Variants in TMEM209 observed in about 807,000 individuals in gnomAD.
The protein encoded by TMEM209 is testicular tissue protein Li 202.
TMEM209 carries 65 observed loss-of-function variants against 76.2 expected under a neutral mutation model. That is an observed-to-expected ratio of 0.85 (90% CI 0.70 to 1.05). The LOEUF is 1.05. TMEM209 is among the 50% of genes least tolerant of loss of function. TMEM209 has a pLI of 0.00. For synonymous variants in TMEM209, 239 were observed against 237.6 expected, an observed-to-expected ratio of 1.01 and a Z score of -0.06; for missense variants, 623 against 685.5, an observed-to-expected ratio of 0.91 and a Z score of 1.02.
intron 13 of TMEM209, 77 bp downstream of exon 13, chr7:130,173,555 G>A: frequency 1.8e-6 from 2 of 1,105,104 alleles, no homozygotes; most frequent in Non-Finnish European, 2.6e-6. Flanking sequence ...ATTAACATGA[G>A]ATTATAATTT....
chr7:130,194,248 G>C (rs1797896542), intron 5 of TMEM209, among the ~76,000 whole-genome samples: 2 of 151,070 alleles, frequency 1.3e-5, no homozygotes, highest in African/African-American at 4.9e-5. Flanking sequence ...ACTGATCATG[G>C]GGGAGGCTAT....
At position 130,203,963 on chromosome 7, in the gene TMEM209, G is replaced by A; in HGVS notation, c.140+11C>T. 2 of 1,609,940 alleles carry A rather than the reference G, an allele frequency of 1.2e-6. No homozygotes were observed. The highest frequency in any genetic ancestry group is 1.7e-6 in the Non-Finnish European group (2 of 1,178,860). On this transcript the variant is annotated intron_variant, in intron 2 of 14. Transcript: ENST00000397622. Reference sequence around the variant, plus strand: ...CTTAAAGTTTCACTTTTTTTGGACTGATTCACTTACATTTCAGTATATATC... The same window carrying A: ...CTTAAAGTTTCACTTTTTTTGGACTAATTCACTTACATTTCAGTATATATC...
In TMEM209 at chr7:130,202,462, G is replaced by T. The variant is rs1220723087; in HGVS notation, c.331+70C>A. 4 of 1,536,724 alleles carry T rather than the reference G, an allele frequency of 2.6e-6. No homozygotes were observed. The East Asian group carries it at 6.8e-5, about 26-fold the overall frequency. Reference sequence around the variant, plus strand: ...CTTCCAGCTTTGAGTCTACGAAATGGGAAAATTAAACTGAGAAAGATTTAT... The same window carrying T: ...CTTCCAGCTTTGAGTCTACGAAATGTGAAAATTAAACTGAGAAAGATTTAT... On this transcript the variant is annotated intron_variant, in intron 4 of 14. Transcript: ENST00000397622.
Position 130,172,052 on chromosome 7 carries a change from T to C in TMEM209, c.1558-1579A>G, listed in dbSNP as rs2116973045. On this transcript the variant is annotated intron_variant, in intron 13 of 14. Coordinates refer to ENST00000397622, the MANE Select transcript of TMEM209 (RefSeq NM_032842.4). ...TGTCTCAAAAAAAGAGTAAAAAATCTGTATGTGCTTGTAATCTTAGCTACT... is the reference window on the plus strand; with the variant it reads ...TGTCTCAAAAAAAGAGTAAAAAATCCGTATGTGCTTGTAATCTTAGCTACT... 2.0e-5 allele frequency among the ~76,000 whole-genome samples: 3 copies of C among 151,714 alleles called. No homozygotes were observed. In the South Asian group the frequency reaches 6.3e-4, roughly 32 times the overall value.
chr7:130,176,499 C>A (rs1201806182), intron 10 of TMEM209, among the ~76,000 whole-genome samples: 1 of 152,140 alleles, frequency 6.6e-6, no homozygotes, highest in Non-Finnish European at 1.5e-5. Flanking sequence ...CATACACAGA[C>A]ACTTTCTCTT....
Position 130,166,047 on chromosome 7 carries a change from C to G in TMEM209, c.*404G>C, listed in dbSNP as rs965022365. On this transcript the variant is annotated 3_prime_UTR_variant, in exon 15 of 15. Coordinates refer to ENST00000397622, the MANE Select transcript of TMEM209 (RefSeq NM_032842.4). The stretch of plus-strand genomic sequence containing the variant: ...CACTCCAGTCTGCGTTGACAGAGAC[C>G]CTCTCTAAAAAAAAAAAAGACTGAA... 6.5e-6 allele frequency: 1 copy of G among 153,874 alleles called. No homozygotes were observed. The highest frequency in any genetic ancestry group is 2.4e-5 in the African/African-American group (1 of 41,040). 9.5% of individuals were successfully genotyped at this position (153,874 alleles called of 1,614,324 possible). A position where few individuals can be genotyped will look rare whatever the true frequency, so the allele number is the denominator to read the frequency against.
chr7:130,185,567 A>G (rs1192463127), intron 6 of TMEM209, among the ~76,000 whole-genome samples, 200 bp from the exon 7 acceptor site: 2 of 152,222 alleles, frequency 1.3e-5, no homozygotes, highest in African/African-American at 4.8e-5. Context: ...TCTGAGCCAT[A>G]TCAATTTAAC....
At chr7:130,182,714 TTTTG>T (rs1797464403) in intron 8 of TMEM209, among the ~76,000 whole-genome samples, 1 of 152,252 alleles carries the variant, frequency 6.6e-6, no homozygotes, top group Non-Finnish European at 1.5e-5. Context: ...GTTTCCATGC[TTTTG>T]TTTATCCATA....
intron 10 of TMEM209, among the ~76,000 whole-genome samples, chr7:130,177,647 G>T (rs770277740): frequency 6.6e-6 from 1 of 152,160 alleles, no homozygotes; most frequent in Non-Finnish European, 1.5e-5. Flanking sequence ...GAAAGTGGAC[G>T]GGGTATGGAT....
chr7:130,169,276 G>C (rs983401520), intron 14 of TMEM209, among the ~76,000 whole-genome samples: 1 of 150,868 alleles, frequency 6.6e-6, no homozygotes, highest in Non-Finnish European at 1.5e-5. Flanking sequence ...CTTTACATCC[G>C]ATATATTTAA....
At chr7:130,204,576 G>T (rs1798360105) in intron 1 of TMEM209, among the ~76,000 whole-genome samples, 1 of 152,206 alleles carries the variant, frequency 6.6e-6, no homozygotes, top group South Asian at 2.1e-4. Flanking sequence ...TCCTGACCTT[G>T]TGATCCACCC....
chr7:130,204,885 G>T (rs1798379858), intron 1 of TMEM209: 3 of 997,300 alleles, frequency 3.0e-6, no homozygotes, highest in African/African-American at 1.7e-5. Flanking sequence ...CAACAACTCT[G>T]CACTTGGACA....
At chr7:130,189,755 A>T (rs1029108207) in intron 6 of TMEM209, among the ~76,000 whole-genome samples, 4 of 152,228 alleles carry the variant, frequency 2.6e-5, no homozygotes, top group Admixed American at 6.5e-5. Context: ...AAAAACATAG[A>T]ATAACACATA....
At chr7:130,189,577 G>A (rs1042511782) in intron 6 of TMEM209, among the ~76,000 whole-genome samples, 2 of 152,250 alleles carry the variant, frequency 1.3e-5, no homozygotes, top group Non-Finnish European at 2.9e-5. Context: ...AATGATGCCC[G>A]CAACTTCCTT....
chr7:130,203,514 A>T (rs1798296571), intron 3 of TMEM209, among the ~76,000 whole-genome samples: 1 of 152,062 alleles, frequency 6.6e-6, no homozygotes, highest in Non-Finnish European at 1.5e-5. Context: ...GCATTTCAGG[A>T]GAGTAATAAA....
intron 9 of TMEM209, 24 bp downstream of exon 9, chr7:130,181,599 A>T (rs1269074579): frequency 6.3e-7 from 1 of 1,589,912 alleles, no homozygotes; most frequent in Non-Finnish European, 8.6e-7. Flanking sequence ...TAGAAATCCA[A>T]CACTGGGCTC....
chr7:130,175,693 A>T (rs1407479265), intron 10 of TMEM209, 84 bp from the exon 11 acceptor site: 2 of 1,050,440 alleles, frequency 1.9e-6, no homozygotes, highest in Non-Finnish European at 2.7e-6. Context: ...ATAATAAGGG[A>T]AGCAAATCAT....
intron 6 of TMEM209, among the ~76,000 whole-genome samples, chr7:130,189,831 T>A (rs1797732510): frequency 6.6e-6 from 1 of 152,102 alleles, no homozygotes; most frequent in Non-Finnish European, 1.5e-5. Context: ...GGACCTGGAG[T>A]AATGATACCT....
In TMEM209 at chr7:130,166,472, T is replaced by C; in HGVS notation, c.1665A>G (p.Ile555Met). The change falls in exon 15 of 15, where the codon ATA becomes ATG. Residue 555 changes from isoleucine (I) to methionine (M), a missense_variant. Transcript: ENST00000397622. ...RVNLGLSGVN[I>M]LWIFGE Reference sequence around the variant, plus strand: ...CTTGCTACTCGCCAAAGATCCACAATATATTCACACCAGATAGACCAAGAT... The same window carrying C: ...CTTGCTACTCGCCAAAGATCCACAACATATTCACACCAGATAGACCAAGAT... 6.5e-7 allele frequency: 1 copy of C among 1,546,422 alleles called. No individual in the cohort carries two copies. The highest frequency in any genetic ancestry group is 1.4e-5 in the African/African-American group (1 of 72,988).
Sources: gnomAD v4.1 joint callset for allele counts (sites outside exome capture counted in the v4.1 genomes callset) on GRCh38, gnomAD v4.1.1 for gene constraint, MANE v1.5 for transcripts, NCBI Gene and HGNC (gene_info 2026-07-23, HGNC 2026-07-21) for gene names.